The following MEI1 variants were observed in gnomAD, a reference collection of about 807,000 sequenced individuals.
MEI1 encodes meiosis inhibitor protein 1.
A neutral mutation model predicts 146.2 loss-of-function variants in MEI1; 103 were observed. The ratio of observed to expected loss-of-function variants is 0.70; its 90% CI spans 0.60 to 0.83. MEI1 has a LOEUF of 0.83. Among genes scored for constraint, MEI1 ranks in the 40% least tolerant of loss-of-function variants. The pLI, the probability that MEI1 is intolerant of heterozygous loss-of-function variation, is 0.00. For missense variants in MEI1, 1,529 were observed against 1,533.0 expected, an observed-to-expected ratio of 1.00 and a Z score of 0.04; for synonymous variants, 652 against 628.2, an observed-to-expected ratio of 1.04 and a Z score of -0.57.
At chr22:41,787,943 TTTGAGCATCATG>T (rs1427344898) in intron 26 of MEI1, among the ~76,000 whole-genome samples, 1 of 152,262 alleles carries the variant, frequency 6.6e-6, no homozygotes, top group African/African-American at 2.4e-5. Context: ...GAGCATCTGC[TTTGAGCATCATG>T]TTGGTGCTCA....
chr22:41,758,541 C>T lies in MEI1; in HGVS notation c.2120+8C>T. ...CTACATCCATGAAGACAGGTCAGTG[C>T]ACAGAGGTGGGTGGCTGGTGGTGGG... On this transcript the variant is annotated splice_region_variant and intron_variant, in intron 18 of 30. Coordinates refer to ENST00000401548, the MANE Select transcript of MEI1 (RefSeq NM_152513.4). 1 of 1,606,278 alleles carries T rather than the reference C, an allele frequency of 6.2e-7. No homozygotes were observed. The highest frequency in any genetic ancestry group is 8.5e-7 in the Non-Finnish European group (1 of 1,174,378).
At chr22:41,779,533 C>A (rs536252073) in intron 22 of MEI1, among the ~76,000 whole-genome samples, 1 of 152,274 alleles carries the variant, frequency 6.6e-6, no homozygotes, top group South Asian at 2.1e-4. Context: ...TAGTCACTAG[C>A]AATCATCTAG....
chr22:41,743,355 G>A (rs1327913385), intron 12 of MEI1, among the ~76,000 whole-genome samples, 161 bp downstream of exon 12: 1 of 152,180 alleles, frequency 6.6e-6, no homozygotes, highest in African/African-American at 2.4e-5. Context: ...GAACTATGAA[G>A]CTTAAGGATT....
rs1462918376 is a variant in MEI1 at position 41,718,084 on chromosome 22, G to T, written c.543G>T (p.Glu181Asp). 10 of 1,600,828 alleles carry T rather than the reference G, an allele frequency of 6.2e-6. No homozygotes were observed. The highest frequency in any genetic ancestry group is 4.5e-5 in the East Asian group (2 of 44,590). The change falls in exon 6 of 31, where the codon GAG (glutamate) becomes GAT (aspartate). Residue 181 changes from glutamate (E) to aspartate (D), a missense_variant. Around this residue, in one of 3 missense-constraint regions of MEI1, gnomAD observed 1,212 missense variants for 1,178.9 expected, o/e 1.03. Transcript: ENST00000401548. ...ELVMEHGNLM[E>D]HLLRGLVYPS... is the part of the protein sequence containing the mutation. ...TTTTCTGGACAGGCAACCTGATGGA[G>T]CATCTGTTGAGAGGCTTAGTATACC...
intron 17 of MEI1, among the ~76,000 whole-genome samples, chr22:41,756,984 A>C (rs17377643): frequency 0.33 from 50,804 of 152,198 alleles, 9,626 homozygotes; most frequent in Non-Finnish European, 0.44. Flanking sequence ...GTGACACTGA[A>C]TGGAAACATG....
At chr22:41,781,526 TA>T in intron 23 of MEI1, 132 bp downstream of exon 23, 1 of 1,152,648 alleles carries the variant, frequency 8.7e-7, no homozygotes, top group Non-Finnish European at 1.2e-6. Flanking sequence ...TTTCTGGCTC[TA>T]ATAACCTGAG....
At chr22:41,779,439 G>T (rs1050404133) in intron 22 of MEI1, among the ~76,000 whole-genome samples, 1 of 152,140 alleles carries the variant, frequency 6.6e-6, no homozygotes, top group Non-Finnish European at 1.5e-5. Context: ...GGGCAATGGA[G>T]TGAGACCTCG....
At chr22:41,768,978 A>G (rs2075016906) in intron 19 of MEI1, among the ~76,000 whole-genome samples, 2 of 152,246 alleles carry the variant, frequency 1.3e-5, no homozygotes, top group Non-Finnish European at 2.9e-5. Context: ...AAGACTTAAT[A>G]GTTTAAGATG....
chr22:41,705,245 C>G (rs571501140), intron 2 of MEI1, among the ~76,000 whole-genome samples: 1 of 149,974 alleles, frequency 6.7e-6, no homozygotes, highest in Non-Finnish European at 1.5e-5. Flanking sequence ...AGTCTCAGCT[C>G]CTTGTAATCT....
intron 26 of MEI1, among the ~76,000 whole-genome samples, chr22:41,790,326 C>G (rs185161826): frequency 6.6e-6 from 1 of 152,300 alleles, no homozygotes; most frequent in African/African-American, 2.4e-5. Flanking sequence ...CTCAAGTGAT[C>G]TGCCTGCCTT....
chr22:41,745,673 TGGG>T (rs769374510), intron 13 of MEI1, among the ~76,000 whole-genome samples: 4 of 152,072 alleles, frequency 2.6e-5, no homozygotes, highest in Non-Finnish European at 5.9e-5. Flanking sequence ...TACACATAGT[TGGG>T]GGAGGGGGTA....
intron 12 of MEI1, among the ~76,000 whole-genome samples, chr22:41,743,754 T>G (rs2073068879): frequency 6.6e-6 from 1 of 152,216 alleles, no homozygotes; most frequent in African/African-American, 2.4e-5. Flanking sequence ...TTAGAGCAAC[T>G]AATAGGGCCA....
At chr22:41,782,174 A>G (rs1031128888) in intron 24 of MEI1, among the ~76,000 whole-genome samples, 11 of 152,192 alleles carry the variant, frequency 7.2e-5, no homozygotes, top group African/African-American at 2.7e-4. Context: ...TACTCAGCAA[A>G]GATAGTGGGA....
intron 8 of MEI1, 44 bp from the exon 9 acceptor site, chr22:41,730,477 C>T (rs767031327): frequency 4.5e-6 from 6 of 1,346,718 alleles, no homozygotes; most frequent in Non-Finnish European, 6.4e-6. Flanking sequence ...GGATCGTGAT[C>T]ACATGGCTGT....
intron 14 of MEI1, among the ~76,000 whole-genome samples, chr22:41,746,333 A>T: frequency 6.6e-6 from 1 of 152,166 alleles, no homozygotes; most frequent in East Asian, 1.9e-4. Flanking sequence ...ACCCTGGGAG[A>T]TGGATGCTAT....
intron 7 of MEI1, among the ~76,000 whole-genome samples, chr22:41,725,726 C>A (rs1453003281): frequency 6.6e-6 from 1 of 152,242 alleles, no homozygotes; most frequent in African/African-American, 2.4e-5. Context: ...TATGAGTCAG[C>A]CTTCAAGCCT....
chr22:41,784,884 G>GGTTT, intron 26 of MEI1, 101 bp downstream of exon 26: 1 of 633,506 alleles, frequency 1.6e-6, no homozygotes, highest in Non-Finnish European at 2.2e-6. Context: ...CTTGGAGGGT[G>GGTTT]GATTAAGACT....
chr22:41,737,393 C>T (rs546461590), intron 11 of MEI1, among the ~76,000 whole-genome samples: 7 of 152,082 alleles, frequency 4.6e-5, no homozygotes, highest in East Asian at 1.9e-4. Flanking sequence ...CCCACCACCA[C>T]GCCCAGCTAA....
At chr22:41,793,404 C>T (rs904504593) in intron 26 of MEI1, among the ~76,000 whole-genome samples, 8 of 152,218 alleles carry the variant, frequency 5.3e-5, no homozygotes, top group East Asian at 3.9e-4. Flanking sequence ...CGGGTTCAAT[C>T]GATTCTCCTG....
Sources: gnomAD v4.1 joint callset for allele counts (sites outside exome capture counted in the v4.1 genomes callset) on GRCh38, gnomAD v4.1.1 for gene constraint, gnomAD v4.1.1 regional missense constraint, MANE v1.5 for transcripts, NCBI Gene and HGNC (gene_info 2026-07-23, HGNC 2026-07-21) for gene names.